PTK2: variants seen among roughly 807,000 people sequenced by gnomAD.
PTK2 encodes focal adhesion kinase 1.
Under a neutral mutation model 150.1 loss-of-function variants are expected in PTK2, and 45 were observed. The ratio of observed to expected loss-of-function variants is 0.30; its 90% CI spans 0.24 to 0.38. PTK2 has a LOEUF of 0.38. PTK2 is among the 10% of genes least tolerant of loss of function. The probability of loss-of-function intolerance (pLI) is 1.00; values close to 1 mark genes in which losing one functional copy is unlikely to be tolerated. For missense variants in PTK2, 919 were observed against 1,307.3 expected, an observed-to-expected ratio of 0.70 and a Z score of 4.58; for synonymous variants, 432 against 449.2, an observed-to-expected ratio of 0.96 and a Z score of 0.48.
intron 23 of PTK2, among the ~76,000 whole-genome samples, chr8:140,713,984 G>A (rs1412722704): frequency 6.6e-6 from 1 of 152,086 alleles, no homozygotes; most frequent in Non-Finnish European, 1.5e-5. Flanking sequence ...GACCTCCTGG[G>A]CTCAAACGAT....
intron 14 of PTK2, among the ~76,000 whole-genome samples, chr8:140,771,877 T>A (rs2154559349): frequency 6.6e-6 from 1 of 152,008 alleles, no homozygotes; most frequent in Non-Finnish European, 1.5e-5. Flanking sequence ...GCCTCCGGGT[T>A]CAAGCGATTC....
intron 27 of PTK2, among the ~76,000 whole-genome samples, chr8:140,681,772 G>A (rs534151534): frequency 9.6e-4 from 146 of 152,064 alleles, no homozygotes; most frequent in African/African-American, 2.9e-3. Flanking sequence ...GCGAGACTCC[G>A]TCTCAAAAAA....
rs561148622 is a variant in PTK2 at position 140,975,447 on chromosome 8, C to T, written c.-122+25678G>A. 5.3e-5 allele frequency among the ~76,000 whole-genome samples: 8 copies of T among 152,294 alleles called. No homozygotes were observed. The East Asian group carries it at 1.2e-3, about 22-fold the overall frequency. ...ATATTCAGTTCCACAAAACCCCAGC[C>T]TCTCACACCTCCATGCCTTTGCACA... On this transcript the variant is annotated intron_variant, in intron 1 of 31. Coordinates refer to ENST00000522684, the Ensembl canonical transcript of PTK2.
intron 10 of PTK2, among the ~76,000 whole-genome samples, chr8:140,810,962 C>T (rs1048845737): frequency 2.0e-5 from 3 of 152,230 alleles, no homozygotes; most frequent in Non-Finnish European, 2.9e-5. Context: ...GGCAACCCCC[C>T]ACCCAAACCG....
At chr8:140,664,008 T>G (rs1437606569) in intron 31 of PTK2, among the ~76,000 whole-genome samples, 3 of 152,074 alleles carry the variant, frequency 2.0e-5, no homozygotes, top group Non-Finnish European at 2.9e-5. Flanking sequence ...TTTTTTCAGA[T>G]GGAGTCTCAC....
chr8:141,001,122 C>A lies in PTK2; in HGVS notation c.-122+3G>T. On this transcript the variant is annotated splice_donor_region_variant and intron_variant, in intron 1 of 31. Transcript: ENST00000522684. ...CGCCCCGCGCCCGGCGCCCCGCACT[C>A]ACTCGGACCGCGGCTCGGCGCCGTG... is the stretch of plus-strand genomic sequence containing the variant. 6.6e-6 allele frequency: 1 copy of A among 151,612 alleles called. No individual in the cohort carries two copies. The highest frequency in any genetic ancestry group is 2.0e-4 in the South Asian group (1 of 5,050). The allele number at this position is 151,612 out of a possible 1,614,324, so 9.4% of individuals were successfully genotyped here. A position where few individuals can be genotyped will look rare whatever the true frequency, so the allele number is the denominator to read the frequency against.
intron 14 of PTK2, among the ~76,000 whole-genome samples, chr8:140,782,935 G>A (rs2100082701): frequency 6.6e-6 from 1 of 152,140 alleles, no homozygotes. Context: ...ATATTATCAA[G>A]CTTTAGAAAT....
chr8:140,700,331 C>T (rs2100029472), intron 26 of PTK2, among the ~76,000 whole-genome samples: 1 of 151,882 alleles, frequency 6.6e-6, no homozygotes, highest in Admixed American at 6.6e-5. Context: ...CAATGCCTGG[C>T]TAATTTTTTT....
chr8:140,843,851 T>C (rs1434649942), intron 7 of PTK2, among the ~76,000 whole-genome samples: 1 of 152,238 alleles, frequency 6.6e-6, no homozygotes, highest in African/African-American at 2.4e-5. Context: ...TATGGATATA[T>C]TATGATTAAC....
chr8:140,977,820 A>G (rs373896066), intron 1 of PTK2, among the ~76,000 whole-genome samples: 2 of 152,202 alleles, frequency 1.3e-5, no homozygotes, highest in East Asian at 1.9e-4. Flanking sequence ...CATAAAGGAA[A>G]AAAGAAATAA....
chr8:140,743,524 TTC>T (rs1440370385), intron 19 of PTK2, among the ~76,000 whole-genome samples, 194 bp from the exon 23 acceptor site: 1 of 152,050 alleles, frequency 6.6e-6, no homozygotes, highest in Admixed American at 6.6e-5. Context: ...TTCATATATA[TTC>T]TTTTTGCCAG....
chr8:140,903,789 A>G (rs2100159733), intron 2 of PTK2, among the ~76,000 whole-genome samples: 1 of 152,084 alleles, frequency 6.6e-6, no homozygotes, highest in Non-Finnish European at 1.5e-5. Context: ...TTCACTCATG[A>G]TTTGGCTCTC....
chr8:140,754,005 A>AAAATACCTT (rs1272182703), intron 16 of PTK2, among the ~76,000 whole-genome samples: 5 of 152,256 alleles, frequency 3.3e-5, no homozygotes, highest in Admixed American at 3.3e-4. Context: ...GCATACTTTC[A>AAAATACCTT]AAATACCTTA....
At chr8:140,903,401 T>C (rs1427438194) in intron 2 of PTK2, among the ~76,000 whole-genome samples, 2 of 152,196 alleles carry the variant, frequency 1.3e-5, no homozygotes, top group African/African-American at 2.4e-5. Context: ...TTTGGGATAC[T>C]GTAGCCTTGT....
chr8:140,980,486 G>T (rs922684707), intron 1 of PTK2, among the ~76,000 whole-genome samples: 30 of 152,092 alleles, frequency 2.0e-4, no homozygotes, highest in Admixed American at 3.9e-4. Context: ...GCCGGGCATG[G>T]TGGTGGGCGC....
chr8:140,822,780 G>T (rs1001332917), intron 8 of PTK2, among the ~76,000 whole-genome samples: 1 of 152,174 alleles, frequency 6.6e-6, no homozygotes. Flanking sequence ...ATAGCCCGCA[G>T]CTGAAACTCA....
At chr8:140,842,078 A>C (rs1472273914) in intron 7 of PTK2, among the ~76,000 whole-genome samples, 1 of 152,098 alleles carries the variant, frequency 6.6e-6, no homozygotes, top group African/African-American at 2.4e-5. Context: ...TGCATATAGG[A>C]TTATTCCACT....
chr8:140,740,132 C>T (rs367851432), intron 20 of PTK2, among the ~76,000 whole-genome samples: 3 of 152,172 alleles, frequency 2.0e-5, no homozygotes, highest in Admixed American at 6.5e-5. Context: ...CCACTCAAAA[C>T]CTTAGTAAAC....
At chr8:140,743,527 T>C (rs2100056930) in intron 19 of PTK2, among the ~76,000 whole-genome samples, 197 bp from the exon 23 acceptor site, 1 of 152,056 alleles carries the variant, frequency 6.6e-6, no homozygotes, top group African/African-American at 2.4e-5. Context: ...ATATATATTC[T>C]TTTTGCCAGA....
Sources: gnomAD v4.1 joint callset for allele counts (sites outside exome capture counted in the v4.1 genomes callset) on GRCh38, gnomAD v4.1.1 for gene constraint, MANE v1.5 for transcripts, NCBI Gene and HGNC (gene_info 2026-07-23, HGNC 2026-07-21) for gene names.